Variants in SLC2A8 observed in about 807,000 individuals in gnomAD.
The protein encoded by SLC2A8 is solute carrier family 2, facilitated glucose transporter member 8.
In SLC2A8, 53 loss-of-function variants were observed where a neutral mutation model predicts 49.2. The ratio of observed to expected loss-of-function variants is 1.08; its 90% CI spans 0.86 to 1.35. The LOEUF (loss-of-function observed/expected upper bound fraction) is 1.35. SLC2A8 is among the 40% of genes most tolerant of loss of function. The pLI is 0.00. For synonymous variants in SLC2A8, 299 were observed against 297.0 expected (o/e 1.01, Z -0.07); for missense variants, 688 against 671.7 (o/e 1.02, Z -0.27).
intron 4 of SLC2A8, 120 bp downstream of exon 4, chr9:127,400,126 A>T: frequency 1.4e-6 from 1 of 714,032 alleles, no homozygotes; most frequent in East Asian, 3.4e-5. Context: ...AGTGCCCAAC[A>T]TGCCAGGCTC....
Position 127,407,252 on chromosome 9 carries a change from G to T in SLC2A8, c.*3G>T. The T allele has an allele frequency of 6.2e-7, 1 of 1,612,950 alleles. No homozygotes were observed. The highest frequency in any genetic ancestry group is 8.5e-7 in the Non-Finnish European group (1 of 1,179,964). On this transcript the variant is annotated 3_prime_UTR_variant, in exon 10 of 10. Coordinates refer to ENST00000373371, the MANE Select transcript of SLC2A8 (RefSeq NM_014580.5). Reference sequence around the variant, plus strand: ...CAGCCCATTTTGAGGGGCGATGACAGCCACTCACTAGGGGATGGAGCAAGC... The same window carrying T: ...CAGCCCATTTTGAGGGGCGATGACATCCACTCACTAGGGGATGGAGCAAGC...
chr9:127,406,706 C>T (rs1354667077), intron 9 of SLC2A8, among the ~76,000 whole-genome samples: 1 of 152,224 alleles, frequency 6.6e-6, no homozygotes, highest in East Asian at 1.9e-4. Context: ...CTGTCTCACC[C>T]ATTTCCACCA....
Position 127,407,429 on chromosome 9 carries a change from G to C in SLC2A8, c.*180G>C. 1.3e-6 allele frequency: 1 copy of C among 772,376 alleles called. No homozygotes were observed. Among genetic ancestry groups the C allele is most frequent in the South Asian group, 1.4e-5 (1 of 69,386 alleles). 47.8% of individuals were successfully genotyped at this position (772,376 alleles called of 1,614,324 possible). ...GGGGCTAGGAGGCTCACTGCCTCCT[G>C]TTCCAGCTCCTGCTGCTGCTCTGAG... On this transcript the variant is annotated 3_prime_UTR_variant, in exon 10 of 10. Transcript: ENST00000373371.
intron 5 of SLC2A8, 65 bp downstream of exon 5, chr9:127,402,818 G>C: frequency 1.4e-6 from 2 of 1,454,238 alleles, no homozygotes; most frequent in Non-Finnish European, 1.8e-6. Context: ...AGCACAGCCT[G>C]TTCCCAAGGC....
intron 7 of SLC2A8, chr9:127,404,481 A>T: frequency 3.0e-6 from 1 of 329,356 alleles, no homozygotes; most frequent in Non-Finnish European, 5.6e-6. Flanking sequence ...GATCCACGTG[A>T]GGCCTTCAGC....
chr9:127,397,669 A>C (rs1833084617), intron 2 of SLC2A8, 131 bp downstream of exon 2: 2 of 1,212,080 alleles, frequency 1.7e-6, no homozygotes, highest in Non-Finnish European at 2.1e-6. Flanking sequence ...ACCTTTCCCC[A>C]CGAGACAGGC....
intron 3 of SLC2A8, among the ~76,000 whole-genome samples, chr9:127,398,545 G>A (rs1386453194): frequency 6.6e-6 from 1 of 152,150 alleles, no homozygotes; most frequent in South Asian, 2.1e-4. Context: ...TTTCTCTTGG[G>A]GCAAAGGCTG....
rs1198595185 is a variant in SLC2A8, at chr9:127,399,089, GCCTGGTGGCCTGTGGGC to G, written c.427-815_427-799del. 6.6e-6 allele frequency among the ~76,000 whole-genome samples: 1 copy of G among 152,228 alleles called. No homozygotes were observed. Among genetic ancestry groups the G allele is most frequent in the Non-Finnish European group, 1.5e-5 (1 of 68,044 alleles). Reference sequence around the variant, plus strand: ...AATAACCTTAGATGCATGGGTGAGGGCCTGGTGGCCTGTGGGCCCAGGAGGGAGCTAGTGGCAGCCAC... The same window carrying G: ...AATAACCTTAGATGCATGGGTGAGGGCCAGGAGGGAGCTAGTGGCAGCCAC... On this transcript the variant is annotated intron_variant, in intron 3 of 9. Coordinates refer to ENST00000373371, the MANE Select transcript of SLC2A8 (RefSeq NM_014580.5). The surrounding 1 kb of genome is among the most constrained non-coding windows in gnomAD (Gnocchi z 4.2).
At position 127,397,407 on chromosome 9, in the gene SLC2A8, G is replaced by T. The variant is rs931162711; in HGVS notation, c.88G>T (p.Ala30Ser). 6.8e-7 allele frequency: 1 copy of T among 1,474,636 alleles called. No homozygotes were observed. Among genetic ancestry groups the T allele is most frequent in the Non-Finnish European group, 8.9e-7 (1 of 1,121,266 alleles). 91.3% of individuals were successfully genotyped at this position (1,474,636 alleles called of 1,614,324 possible). Residue 30 changes from alanine to serine, a missense_variant, in exon 2 of 10, where the codon GCC (alanine) becomes TCC (serine). Transcript: ENST00000373371. ...APRGRRVFLA[A>S]FAAALGPLSF... ...CCGCGGCCGCCGCGTCTTCCTCGCC[G>T]CCTTCGCCGCTGCCCTGGGCCCACT...
chr9:127,407,021 T>C (rs1833515007), intron 9 of SLC2A8, 91 bp from the exon 10 acceptor site: 10 of 1,456,432 alleles, frequency 6.9e-6, no homozygotes, highest in Non-Finnish European at 9.5e-6. Context: ...GTCAGGGGAC[T>C]GGACCCCCTG....
chr9:127,398,744 T>C (rs1833148436), intron 3 of SLC2A8, among the ~76,000 whole-genome samples: 1 of 152,172 alleles, frequency 6.6e-6, no homozygotes, highest in African/African-American at 2.4e-5. Context: ...AAAACAGGGA[T>C]TATGGCATTA....
intron 3 of SLC2A8, chr9:127,398,370 T>C: frequency 1.3e-6 from 1 of 764,928 alleles, no homozygotes; most frequent in Non-Finnish European, 2.4e-6. Flanking sequence ...CCACAGCTAG[T>C]CAGAGGGGAA....
Position 127,398,208 on chromosome 9 carries a change from G to T in SLC2A8, c.426+97G>T. ...CAGGCCTGGGGGCGCGGCTCCCCCT[G>T]GCGGGACCTTCTGGGTGCCAGGCTT... On this transcript the variant is annotated intron_variant, in intron 3 of 9. Coordinates refer to ENST00000373371, the MANE Select transcript of SLC2A8 (RefSeq NM_014580.5). The T allele has an allele frequency of 2.3e-6, 3 of 1,313,030 alleles. No individual in the cohort carries two copies. The South Asian group carries it at 3.6e-5, about 16-fold the overall frequency. 81.3% of individuals were successfully genotyped at this position (1,313,030 alleles called of 1,614,324 possible).
intron 2 of SLC2A8, 22 bp downstream of exon 2, chr9:127,397,560 TCCCGCCCTGGGACC>T: frequency 4.3e-6 from 6 of 1,387,732 alleles, no homozygotes; most frequent in Non-Finnish European, 5.5e-6. Context: ...GGCTCGCTCC[TCCCGCCCTGGGACC>T]CCACGCCCTC....
intron 1 of SLC2A8, 21 bp from the exon 2 acceptor site, chr9:127,397,355 C>T (rs1833062225): frequency 2.8e-6 from 4 of 1,444,268 alleles, no homozygotes; most frequent in Non-Finnish European, 3.6e-6. Flanking sequence ...GCTCCGCTCA[C>T]CCTCGGCCCT....
At chr9:127,397,808 C>G in intron 2 of SLC2A8, 97 bp from the exon 3 acceptor site, 3 of 1,284,748 alleles carry the variant, frequency 2.3e-6, no homozygotes, top group Non-Finnish European at 3.1e-6. Context: ...GGGCGCGGGG[C>G]CCCGGCTCTT....
chr9:127,397,555 G>T lies in SLC2A8; in HGVS notation c.219+17G>T. The T allele has an allele frequency of 7.2e-7, 1 of 1,395,720 alleles. No homozygotes were observed. 86.5% of individuals were successfully genotyped at this position (1,395,720 alleles called of 1,614,324 possible). A position where few individuals can be genotyped will look rare whatever the true frequency, so the allele number is the denominator to read the frequency against. ...TGGTTCGGGGTGAGGCCCCGGGCTC[G>T]CTCCTCCCGCCCTGGGACCCCACGC... On this transcript the variant is annotated intron_variant, in intron 2 of 9. Transcript: ENST00000373371.
At chr9:127,398,715 C>T (rs1308632873) in intron 3 of SLC2A8, among the ~76,000 whole-genome samples, 2 of 152,184 alleles carry the variant, frequency 1.3e-5, no homozygotes, top group African/African-American at 2.4e-5. Flanking sequence ...CCTCCCTGGG[C>T]CTCAGTTTCC....
At chr9:127,397,736 C>G (rs923092743) in intron 2 of SLC2A8, among the ~76,000 whole-genome samples, 169 bp from the exon 3 acceptor site, 1 of 152,120 alleles carries the variant, frequency 6.6e-6, no homozygotes, top group Non-Finnish European at 1.5e-5. Flanking sequence ...GCCCCTCAGC[C>G]CCCACCCCTC....
Sources: gnomAD v4.1 joint callset for allele counts (sites outside exome capture counted in the v4.1 genomes callset) on GRCh38, gnomAD v4.1.1 for gene constraint, Gnocchi (gnomAD v3.1) non-coding constraint, MANE v1.5 for transcripts, NCBI Gene and HGNC (gene_info 2026-07-23, HGNC 2026-07-21) for gene names.